Variants in ATG5 observed in about 807,000 individuals in gnomAD.
ATG5 encodes autophagy related 5, also known as autophagy protein 5.
A neutral mutation model predicts 36.5 loss-of-function variants in ATG5; 14 were observed. The ratio of observed to expected loss-of-function variants is 0.38; its 90% CI spans 0.25 to 0.60. ATG5 has a LOEUF of 0.60. Among genes scored for constraint, ATG5 ranks in the 20% least tolerant of loss-of-function variants. The pLI, the probability that ATG5 is intolerant of heterozygous loss-of-function variation, is 0.60. For missense variants in ATG5, 195 were observed against 326.7 expected, an observed-to-expected ratio of 0.60 and a Z score of 3.11; for synonymous variants, 95 against 101.5, an observed-to-expected ratio of 0.94 and a Z score of 0.38.
chr6:106,200,477 ATTT>A (rs5878872), intron 7 of ATG5, among the ~76,000 whole-genome samples: 1 of 144,466 alleles, frequency 6.9e-6, no homozygotes, highest in Non-Finnish European at 1.5e-5. Flanking sequence ...CAACTCTGCA[ATTT>A]TTTTTTTTTT....
rs1021693751 is a variant in ATG5 at position 106,289,105 on chromosome 6, GATAA to G, written c.315+3919_315+3922del. 3.1e-4 allele frequency among the ~76,000 whole-genome samples: 47 copies of G among 152,108 alleles called. 1 individual carries two copies. Among genetic ancestry groups the G allele is most frequent in the Non-Finnish European group, 2.9e-4 (20 of 67,998 alleles). On this transcript the variant is annotated intron_variant, in intron 4 of 7. Transcript: ENST00000369076. ...GCATACTCAATACAACACCACAGAA[GATAA>G]ATGCAGAGACACCAAGTGACACAAA...
At chr6:106,283,066 C>T (rs1396307160) in intron 4 of ATG5, among the ~76,000 whole-genome samples, 3 of 152,006 alleles carry the variant, frequency 2.0e-5, no homozygotes, top group Non-Finnish European at 2.9e-5. Flanking sequence ...ACTGGGATTA[C>T]GGGCATGAGC....
chr6:106,295,482 A>G (rs1378966694), intron 3 of ATG5, among the ~76,000 whole-genome samples: 1 of 152,226 alleles, frequency 6.6e-6, no homozygotes, highest in Non-Finnish European at 1.5e-5. Flanking sequence ...CCATTAACAA[A>G]TGTGTGAAAC....
At chr6:106,228,567 G>A (rs539877686) in intron 6 of ATG5, among the ~76,000 whole-genome samples, 34 of 152,154 alleles carry the variant, frequency 2.2e-4, no homozygotes, top group Admixed American at 2.2e-3. Flanking sequence ...CAGAGAACAC[G>A]AGGCTTGCCA....
chr6:106,221,699 AAAAG>A (rs1185969022), intron 6 of ATG5, among the ~76,000 whole-genome samples: 31 of 143,748 alleles, frequency 2.2e-4, no homozygotes, highest in East Asian at 1.6e-3. Flanking sequence ...AAAAAAAAAA[AAAAG>A]AAAGAAAGAA....
intron 4 of ATG5, among the ~76,000 whole-genome samples, chr6:106,282,239 C>T (rs1470661306): frequency 6.6e-6 from 1 of 152,200 alleles, no homozygotes; most frequent in Non-Finnish European, 1.5e-5. Context: ...TCCAGAAAAT[C>T]CTCCTTTCAC....
chr6:106,318,846 A>T (rs1770959902), intron 1 of ATG5, among the ~76,000 whole-genome samples: 1 of 152,264 alleles, frequency 6.6e-6, no homozygotes, highest in Non-Finnish European at 1.5e-5. Flanking sequence ...ATAAGAAAGC[A>T]TGTCTCCAGT....
chr6:106,250,721 G>A (rs1425506087), intron 5 of ATG5, among the ~76,000 whole-genome samples: 1 of 152,146 alleles, frequency 6.6e-6, no homozygotes, highest in African/African-American at 2.4e-5. Flanking sequence ...ACCTAGCATG[G>A]TGCATGCATA....
intron 6 of ATG5, among the ~76,000 whole-genome samples, chr6:106,244,671 T>C (rs1778261379): frequency 6.6e-6 from 1 of 152,250 alleles, no homozygotes; most frequent in Non-Finnish European, 1.5e-5. Context: ...GTATTCTTAG[T>C]TGATTTGTTT....
chr6:106,226,146 T>A (rs192635380), intron 6 of ATG5, among the ~76,000 whole-genome samples: 1 of 152,136 alleles, frequency 6.6e-6, no homozygotes, highest in Non-Finnish European at 1.5e-5. Context: ...CTGGCAAAGA[T>A]TGGAAGATAC....
At chr6:106,277,705 T>C (rs1779714748) in intron 5 of ATG5, among the ~76,000 whole-genome samples, 1 of 152,152 alleles carries the variant, frequency 6.6e-6, no homozygotes, top group African/African-American at 2.4e-5. Context: ...TCCCAGCTAC[T>C]CAGAAGGCTG....
At chr6:106,296,520 G>T (rs958631349) in intron 3 of ATG5, among the ~76,000 whole-genome samples, 4 of 152,118 alleles carry the variant, frequency 2.6e-5, no homozygotes, top group African/African-American at 9.7e-5. Flanking sequence ...TCAATAAAGT[G>T]TAAAATAAGC....
intron 6 of ATG5, among the ~76,000 whole-genome samples, chr6:106,232,374 G>C (rs1777727657): frequency 6.6e-6 from 1 of 152,170 alleles, no homozygotes; most frequent in Non-Finnish European, 1.5e-5. Flanking sequence ...AATTATGCCT[G>C]AAAGCCCAAC....
rs1385646173 is a variant in ATG5, at chr6:106,239,572, CTAAAATTAAA to C, written c.573+8568_573+8577del. On this transcript the variant is annotated intron_variant, in intron 6 of 7. Transcript: ENST00000369076. ...AATTGCTCCAACAGATATCAGAACG[CTAAAATTAAA>C]TAAAAATACTACTAGGATAAGAAAA... Among the ~76,000 whole-genome samples, 5 of 152,124 alleles carry C rather than the reference CTAAAATTAAA, an allele frequency of 3.3e-5. No homozygotes were observed. The East Asian group carries it at 5.8e-4, about 18-fold the overall frequency.
At chr6:106,282,016 G>A (rs1197281304) in intron 4 of ATG5, among the ~76,000 whole-genome samples, 1 of 152,164 alleles carries the variant, frequency 6.6e-6, no homozygotes, top group Non-Finnish European at 1.5e-5. Flanking sequence ...AACTAATAGA[G>A]AACAAGTTGA....
chr6:106,201,521 A>G (rs945223525), intron 7 of ATG5, among the ~76,000 whole-genome samples: 2 of 152,208 alleles, frequency 1.3e-5, no homozygotes, highest in African/African-American at 2.4e-5. Flanking sequence ...GTCAAAGCCT[A>G]AAAGAAAAAG....
intron 3 of ATG5, among the ~76,000 whole-genome samples, chr6:106,307,570 A>C: frequency 8.3e-6 from 1 of 120,442 alleles, no homozygotes; most frequent in Non-Finnish European, 1.6e-5. Context: ...ACAGAGTTTC[A>C]CTCTTATTGC....
chr6:106,321,233 C>T (rs1481470809), intron 1 of ATG5, among the ~76,000 whole-genome samples: 1 of 152,116 alleles, frequency 6.6e-6, no homozygotes, highest in Non-Finnish European at 1.5e-5. Context: ...GTGTTTAGTA[C>T]ATTTGGTAAC....
chr6:106,230,656 C>A lies in ATG5; in HGVS notation c.573+17494G>T, dbSNP rs939572201. 1.2e-4 allele frequency among the ~76,000 whole-genome samples: 19 copies of A among 152,004 alleles called. No homozygotes were observed. The East Asian group carries it at 1.9e-3, about 15-fold the overall frequency. On this transcript the variant is annotated intron_variant, in intron 6 of 7. Transcript: ENST00000369076. Reference sequence around the variant, plus strand: ...TGCTGGCATCCCTATGTTCTTTTTTCAGATAGGAAACGTTCCCCTCAAGGC... The same window carrying A: ...TGCTGGCATCCCTATGTTCTTTTTTAAGATAGGAAACGTTCCCCTCAAGGC...
Sources: allele counts gnomAD v4.1 joint callset (sites outside exome capture counted in the v4.1 genomes callset), GRCh38; gene constraint gnomAD v4.1.1; transcripts MANE v1.5; gene names NCBI Gene and HGNC (gene_info 2026-07-23, HGNC 2026-07-21).